The following GRID2 variants were observed in gnomAD, a reference collection of about 807,000 sequenced individuals.
GRID2 encodes the protein glutamate ionotropic receptor delta type subunit 2.
Under a neutral mutation model 114.8 loss-of-function variants are expected in GRID2, and 33 were observed. That is an observed-to-expected ratio of 0.29 (90% confidence interval 0.22 to 0.38). The LOEUF (loss-of-function observed/expected upper bound fraction) is 0.38. Among genes scored for constraint, GRID2 ranks in the 10% least tolerant of loss-of-function variants. GRID2 has a pLI of 1.00. For missense variants in GRID2, 1,184 were observed against 1,257.7 expected (o/e 0.94, Z 0.89); for synonymous variants, 505 against 449.9 (o/e 1.12, Z -1.55).
chr4:93,683,490 G>C (rs568367212), intron 14 of GRID2, among the ~76,000 whole-genome samples: 1 of 152,132 alleles, frequency 6.6e-6, no homozygotes, highest in Non-Finnish European at 1.5e-5. Flanking sequence ...TGTGATTTTG[G>C]TTCTTTCTTG....
chr4:92,973,931 AATCT>A (rs1465314315), intron 2 of GRID2, among the ~76,000 whole-genome samples: 1 of 152,140 alleles, frequency 6.6e-6, no homozygotes, highest in Non-Finnish European at 1.5e-5. Context: ...AAATTTTTGC[AATCT>A]ATCTATCTGA....
chr4:93,669,121 T>C (rs1316446381), intron 14 of GRID2, among the ~76,000 whole-genome samples: 3 of 152,114 alleles, frequency 2.0e-5, no homozygotes, highest in Non-Finnish European at 4.4e-5. Flanking sequence ...TTATTGACAC[T>C]ACCTTTCCAC....
At chr4:93,359,739 A>G (rs1386583842) in intron 8 of GRID2, among the ~76,000 whole-genome samples, 4 of 128,960 alleles carry the variant, frequency 3.1e-5, no homozygotes, top group Non-Finnish European at 6.8e-5. Context: ...TTTGCTTAGC[A>G]AATGAAACAG....
chr4:92,380,265 C>T (rs1579268306), intron 1 of GRID2, among the ~76,000 whole-genome samples: 1 of 151,480 alleles, frequency 6.6e-6, no homozygotes, highest in Middle Eastern at 3.4e-3. Context: ...AGAAAGAGTA[C>T]ATCTATTTGA....
At chr4:93,723,737 C>T (rs1729592894) in intron 14 of GRID2, among the ~76,000 whole-genome samples, 1 of 152,148 alleles carries the variant, frequency 6.6e-6, no homozygotes, top group African/African-American at 2.4e-5. Flanking sequence ...TAATTTATTA[C>T]CTGCCCTCTG....
At chr4:93,200,686 G>C (rs1263263586) in intron 4 of GRID2, among the ~76,000 whole-genome samples, 2 of 152,216 alleles carry the variant, frequency 1.3e-5, no homozygotes, top group African/African-American at 2.4e-5. Flanking sequence ...CGTGCTCTCT[G>C]TAGGTTTATT....
At chr4:93,483,489 T>C (rs1173515567) in intron 11 of GRID2, among the ~76,000 whole-genome samples, 1 of 151,910 alleles carries the variant, frequency 6.6e-6, no homozygotes, top group Non-Finnish European at 1.5e-5. Context: ...AACAACCAAA[T>C]TGGAGACTCT....
At chr4:93,479,553 C>T (rs929651396) in intron 11 of GRID2, among the ~76,000 whole-genome samples, 3 of 152,050 alleles carry the variant, frequency 2.0e-5, no homozygotes, top group Admixed American at 2.0e-4. Flanking sequence ...AATTCTCAGT[C>T]CCAGGCCAAA....
At chr4:92,946,871 C>A (rs1443182071) in intron 2 of GRID2, among the ~76,000 whole-genome samples, 1 of 151,970 alleles carries the variant, frequency 6.6e-6, no homozygotes, top group Non-Finnish European at 1.5e-5. Context: ...TATTAAGTTC[C>A]TAGGTAATTC....
Position 93,678,522 on chromosome 4 carries a change from A to T in GRID2, c.2360+52087A>T, listed in dbSNP as rs570765251. Among the ~76,000 whole-genome samples, 574 of 152,166 alleles carry T rather than the reference A, an allele frequency of 3.8e-3. 7 individuals carry two copies. The highest frequency in any genetic ancestry group is 0.013 in the African/African-American group (551 of 41,436). ...GAAGGAAAAAATGTTAAGGGCAGCCAGAGAGAAAGGTCCGGTTACCCACAA... is the reference window on the plus strand; with the variant it reads ...GAAGGAAAAAATGTTAAGGGCAGCCTGAGAGAAAGGTCCGGTTACCCACAA... On this transcript the variant is annotated intron_variant, in intron 14 of 15. Transcript: ENST00000282020.
intron 3 of GRID2, among the ~76,000 whole-genome samples, chr4:93,105,044 TTCTC>T (rs1732073736): frequency 6.6e-6 from 1 of 152,052 alleles, no homozygotes; most frequent in Non-Finnish European, 1.5e-5. Flanking sequence ...TGATTTGCAT[TTCTC>T]TGATGGCCAG....
At position 92,928,037 on chromosome 4, in the gene GRID2, G is replaced by A. The variant is rs189684180; in HGVS notation, c.245-156958G>A. Among the ~76,000 whole-genome samples, 9 of 151,798 alleles carry A rather than the reference G, an allele frequency of 5.9e-5. No individual in the cohort carries two copies. The East Asian group carries it at 1.7e-3, about 29-fold the overall frequency. On this transcript the variant is annotated intron_variant, in intron 2 of 15. Coordinates refer to ENST00000282020, the MANE Select transcript of GRID2 (RefSeq NM_001510.4). ...TTTTTGGATTCAGGTTGCTCAACCTGTATAAGCATCTTTGAAAACTTAATC... is the reference window on the plus strand; with the variant it reads ...TTTTTGGATTCAGGTTGCTCAACCTATATAAGCATCTTTGAAAACTTAATC...
intron 2 of GRID2, among the ~76,000 whole-genome samples, 188 bp from the exon 3 acceptor site, chr4:93,084,807 A>G (rs1343026224): frequency 2.0e-5 from 3 of 152,230 alleles, no homozygotes; most frequent in Non-Finnish European, 4.4e-5. Flanking sequence ...ATAGATAATA[A>G]GAGCAGAATT....
At chr4:92,726,949 T>C (rs930750381) in intron 2 of GRID2, among the ~76,000 whole-genome samples, 1 of 152,068 alleles carries the variant, frequency 6.6e-6, no homozygotes, top group Non-Finnish European at 1.5e-5. Context: ...TTCTGATGCA[T>C]TGAGGGAAAA....
At chr4:93,623,042 T>C (rs1742355179) in intron 13 of GRID2, among the ~76,000 whole-genome samples, 1 of 152,218 alleles carries the variant, frequency 6.6e-6, no homozygotes, top group Non-Finnish European at 1.5e-5. Context: ...AATAATCACC[T>C]GTCTCACGTT....
intron 9 of GRID2, among the ~76,000 whole-genome samples, chr4:93,413,799 A>T (rs186277629): frequency 1.2e-3 from 189 of 152,298 alleles, no homozygotes; most frequent in African/African-American, 4.4e-3. Context: ...TTATGTAGGG[A>T]TAAAAAAGAA....
intron 2 of GRID2, among the ~76,000 whole-genome samples, chr4:92,696,497 A>G (rs899434581): frequency 6.6e-6 from 1 of 152,130 alleles, no homozygotes; most frequent in Non-Finnish European, 1.5e-5. Context: ...AATTTACTGT[A>G]ATTACATATA....
At chr4:92,371,708 TACA>T (rs942485976) in intron 1 of GRID2, among the ~76,000 whole-genome samples, 1 of 152,230 alleles carries the variant, frequency 6.6e-6, no homozygotes, top group African/African-American at 2.4e-5. Flanking sequence ...TGCCTGCTAT[TACA>T]ACATTTATTT....
chr4:92,679,375 T>TG, intron 2 of GRID2, among the ~76,000 whole-genome samples: 1 of 152,172 alleles, frequency 6.6e-6, no homozygotes, highest in Admixed American at 6.5e-5. Flanking sequence ...AGCAGCATTT[T>TG]TTTCTTAGTC....
Sources: allele counts gnomAD v4.1 joint callset (sites outside exome capture counted in the v4.1 genomes callset), GRCh38; gene constraint gnomAD v4.1.1; transcripts MANE v1.5; gene names NCBI Gene and HGNC (gene_info 2026-07-23, HGNC 2026-07-21).